CHRNA3: variants seen among roughly 807,000 people sequenced by gnomAD.
The protein encoded by CHRNA3 is cholinergic receptor nicotinic alpha 3 subunit.
In CHRNA3, 34 loss-of-function variants were observed where a neutral mutation model predicts 41.9. The observed-to-expected ratio is 0.81, with a 90% confidence interval of 0.62 to 1.08. The LOEUF is 1.08. CHRNA3 is among the 50% of genes least tolerant of loss of function. The pLI is 0.00. For missense variants in CHRNA3, 542 were observed against 638.3 expected (o/e 0.85, Z 1.63); for synonymous variants, 281 against 265.2 (o/e 1.06, Z -0.58).
intron 1 of CHRNA3, 80 bp from the exon 2 acceptor site, chr15:78,618,995 T>C: frequency 6.8e-7 from 1 of 1,479,968 alleles, no homozygotes; most frequent in East Asian, 2.3e-5. Context: ...ACATCACCCA[T>C]CTACAGCATC....
chr15:78,601,805 G>A lies in CHRNA3; in HGVS notation c.837C>T (p.Val279=), dbSNP rs368009411. ...GGAGAAACACCGTCAGGGAGAGGAG[G>A]ACAGAAATGCACAGGGTCACCTTCT... ...CGEKVTLCIS[V]LLSLTVFLLV... The change falls in exon 5 of 6, where the codon GTC becomes GTT. Residue 279 remains valine (V), a synonymous_variant. Coordinates refer to ENST00000326828, the MANE Select transcript of CHRNA3 (RefSeq NM_000743.5). 1.3e-5 allele frequency: 21 copies of A among 1,613,990 alleles called. No homozygotes were observed. Among genetic ancestry groups the A allele is most frequent in the African/African-American group, 8.0e-5 (6 of 74,904 alleles).
At chr15:78,596,788 A>AT in intron 5 of CHRNA3, 56 bp from the exon 6 acceptor site, 1 of 1,561,018 alleles carries the variant, frequency 6.4e-7, no homozygotes, top group Admixed American at 2.0e-5. Context: ...AAATGAATAC[A>AT]TTTTCAATAC....
At chr15:78,609,649 G>A (rs371461862) in intron 4 of CHRNA3, among the ~76,000 whole-genome samples, 1 of 152,110 alleles carries the variant, frequency 6.6e-6, no homozygotes, top group African/African-American at 2.4e-5. Flanking sequence ...GACCATCAAG[G>A]CTAGGAAGAA....
At chr15:78,600,698 C>CA (rs2053183662) in intron 5 of CHRNA3, among the ~76,000 whole-genome samples, 1 of 151,896 alleles carries the variant, frequency 6.6e-6, no homozygotes, top group Non-Finnish European at 1.5e-5. Flanking sequence ...GGCAACATGG[C>CA]AAAACCCCAT....
intron 1 of CHRNA3, chr15:78,619,380 G>GT: frequency 6.1e-6 from 1 of 162,958 alleles, no homozygotes. Flanking sequence ...TTTCTGCCGG[G>GT]TGGGGGTGTG....
At chr15:78,615,843 C>T (rs1448600773) in intron 4 of CHRNA3, among the ~76,000 whole-genome samples, 2 of 148,564 alleles carry the variant, frequency 1.3e-5, no homozygotes, top group African/African-American at 2.5e-5. Flanking sequence ...CAGGTTCAAG[C>T]GATTCTCCTG....
intron 4 of CHRNA3, among the ~76,000 whole-genome samples, chr15:78,613,040 G>C (rs1188026818): frequency 1.3e-5 from 2 of 152,222 alleles, no homozygotes; most frequent in Non-Finnish European, 2.9e-5. Flanking sequence ...ACACCAGTTA[G>C]AATGGCGATC....
chr15:78,601,751 G>T lies in CHRNA3; in HGVS notation c.891C>A (p.Thr297=). ...CTCCAATCAGGGGGATGACCAGCGAGGTGGAAGGGATGGTCTCAGTGATCA... is the reference window on the plus strand; with the variant it reads ...CTCCAATCAGGGGGATGACCAGCGATGTGGAAGGGATGGTCTCAGTGATCA... The part of the protein sequence containing the change: ...LLVITETIPS[T]SLVIPLIGEY... The change falls in exon 5 of 6, where the codon ACC becomes ACA. Residue 297 remains threonine, a synonymous_variant. Coordinates refer to ENST00000326828, the MANE Select transcript of CHRNA3 (RefSeq NM_000743.5). 1 of 1,614,180 alleles carries T rather than the reference G, an allele frequency of 6.2e-7. No homozygotes were observed. Among genetic ancestry groups the T allele is most frequent in the African/African-American group, 1.3e-5 (1 of 75,040 alleles).
intron 4 of CHRNA3, among the ~76,000 whole-genome samples, chr15:78,611,685 A>G (rs900118294): frequency 6.6e-6 from 1 of 151,450 alleles, no homozygotes; most frequent in African/African-American, 2.4e-5. Flanking sequence ...CTCTCTCACC[A>G]CTCCTATTCA....
chr15:78,616,019 G>A (rs1192272727), intron 4 of CHRNA3, among the ~76,000 whole-genome samples: 1 of 149,722 alleles, frequency 6.7e-6, no homozygotes, highest in Non-Finnish European at 1.5e-5. Context: ...TGGGATTACA[G>A]GCATCAGCCA....
chr15:78,600,265 G>A (rs2053177453), intron 5 of CHRNA3, among the ~76,000 whole-genome samples: 1 of 151,944 alleles, frequency 6.6e-6, no homozygotes, highest in Non-Finnish European at 1.5e-5. Flanking sequence ...GTTAGAGACG[G>A]GGTTTCGCTA....
chr15:78,598,160 G>A (rs2053141380), intron 5 of CHRNA3, among the ~76,000 whole-genome samples: 1 of 152,134 alleles, frequency 6.6e-6, no homozygotes, highest in Non-Finnish European at 1.5e-5. Context: ...GAGAATCTGG[G>A]TAAATTCCAT....
Position 78,601,741 on chromosome 15 carries a change from T to A in CHRNA3, c.901A>T (p.Ile301Phe). Residue 301 changes from isoleucine to phenylalanine, a missense_variant, in exon 5 of 6, where the codon ATC (isoleucine) becomes TTC (phenylalanine). Physicochemically the swap from Ile to Phe is conservative, Grantham distance 21 (BLOSUM62 0). Transcript: ENST00000326828. ...TETIPSTSLV[I>F]PLIGEYLLFT... ...AGGAGGTACTCTCCAATCAGGGGGA[T>A]GACCAGCGAGGTGGAAGGGATGGTC... is the stretch of plus-strand genomic sequence containing the variant. The A allele has an allele frequency of 6.2e-7, 1 of 1,614,108 alleles. No individual in the cohort carries two copies. Among genetic ancestry groups the A allele is most frequent in the Non-Finnish European group, 8.5e-7 (1 of 1,180,016 alleles).
At chr15:78,620,496 T>G (rs1021194564) in intron 1 of CHRNA3, among the ~76,000 whole-genome samples, 2 of 151,592 alleles carry the variant, frequency 1.3e-5, no homozygotes, top group Non-Finnish European at 3.0e-5. Flanking sequence ...CTCCCAGGTT[T>G]GGTGGTGGCT....
At chr15:78,607,332 C>A (rs1256504865) in intron 4 of CHRNA3, 3 of 152,120 alleles carry the variant, frequency 2.0e-5, no homozygotes, top group Non-Finnish European at 2.9e-5. Flanking sequence ...TATGAACTTG[C>A]CAGAACACAG....
chr15:78,620,242 C>T (rs920560605), intron 1 of CHRNA3: 4 of 162,312 alleles, frequency 2.5e-5, no homozygotes, highest in African/African-American at 9.6e-5. Context: ...CAGCCCCAGT[C>T]CCGAAGCGAC....
At chr15:78,594,379 TA>T (rs1567067288), downstream of CHRNA3, 1 of 152,054 alleles carries the variant, frequency 6.6e-6, no homozygotes, top group African/African-American at 2.4e-5. Context: ...GAACCCCATT[TA>T]AAAAACATAT....
chr15:78,613,464 G>T (rs956936917), intron 4 of CHRNA3, among the ~76,000 whole-genome samples: 8 of 149,144 alleles, frequency 5.4e-5, no homozygotes, highest in African/African-American at 9.9e-5. Context: ...GCAAACTATC[G>T]CAAGGACAAA....
rs559652273 is a variant in CHRNA3, at chr15:78,611,723, C to T, written c.377+5301G>A. Among the ~76,000 whole-genome samples, 5 of 151,468 alleles carry T rather than the reference C, an allele frequency of 3.3e-5. No individual in the cohort carries two copies. In the South Asian group the frequency reaches 1.0e-3, roughly 32 times the overall value. On this transcript the variant is annotated intron_variant, in intron 4 of 5. Coordinates refer to ENST00000326828, the MANE Select transcript of CHRNA3 (RefSeq NM_000743.5). ...ATAGTGTTGGAAGTTCTGGCCAGGG[C>T]AATTAGGCAGGAGAAGGAAATAAAG...
Sources: gnomAD v4.1 joint callset for allele counts (sites outside exome capture counted in the v4.1 genomes callset) on GRCh38, gnomAD v4.1.1 for gene constraint, MANE v1.5 for transcripts, NCBI Gene and HGNC (gene_info 2026-07-23, HGNC 2026-07-21) for gene names.